Variants in BMX observed in about 807,000 individuals in gnomAD.
BMX encodes BMX non-receptor tyrosine kinase.
In BMX, 31 loss-of-function variants were observed where a neutral mutation model predicts 59.2. The observed-to-expected ratio is 0.52, with a 90% CI of 0.39 to 0.71. The LOEUF (loss-of-function observed/expected upper bound fraction) is 0.71, where lower values mean the gene tolerates loss of function less well. BMX is among the 30% of genes least tolerant of loss of function. BMX has a pLI of 0.00. For synonymous variants in BMX, 185 were observed against 181.0 expected (o/e 1.02, Z -0.18); for missense variants, 474 against 491.7 (o/e 0.96, Z 0.34).
intron 9 of BMX, among the ~76,000 whole-genome samples, chrX:15,527,693 T>C (rs1222443799): frequency 1.8e-5 from 2 of 111,832 alleles, no homozygotes; most frequent in East Asian, 5.6e-4. Context: ...ACAAAGTACA[T>C]GCTACTGTTT....
intron 11 of BMX, 118 bp downstream of exon 11, chrX:15,531,525 G>C: frequency 1.6e-6 from 1 of 635,434 alleles, no homozygotes; most frequent in East Asian, 3.4e-5. Context: ...TTAAATCAAA[G>C]TATTTCTATT....
chrX:15,521,390 C>G (rs1341028560), intron 6 of BMX, among the ~76,000 whole-genome samples: 3 of 112,135 alleles, frequency 2.7e-5, no homozygotes, highest in African/African-American at 9.7e-5. Context: ...TTACCGTCAT[C>G]ATTGTATAGA....
chrX:15,537,404 C>T (rs966418573), intron 14 of BMX, 99 bp downstream of exon 14: 16 of 877,431 alleles, frequency 1.8e-5, no homozygotes, highest in East Asian at 9.7e-5. Context: ...GAGCAAAAGT[C>T]CACATACTGT....
chrX:15,529,509 T>A (rs1195467922), intron 9 of BMX, among the ~76,000 whole-genome samples: 1 of 112,647 alleles, frequency 8.9e-6, no homozygotes, highest in Non-Finnish European at 1.9e-5. Context: ...GAAACAGCTC[T>A]TGGCCTGTTG....
At chrX:15,501,264 C>T (rs1354831718) in intron 1 of BMX, among the ~76,000 whole-genome samples, 2 of 112,126 alleles carry the variant, frequency 1.8e-5, no homozygotes, top group African/African-American at 6.5e-5. Flanking sequence ...CTAATTTTCT[C>T]CATCCGCTTC....
At chrX:15,510,846 T>G (rs113553616) in intron 3 of BMX, among the ~76,000 whole-genome samples, 279 of 112,522 alleles carry the variant, frequency 2.5e-3, no homozygotes, top group Middle Eastern at 4.6e-3. Flanking sequence ...TATTGTAATC[T>G]TCAAACGTTT....
At chrX:15,525,231 T>G (rs1451804939) in intron 7 of BMX, 57 bp from the exon 8 acceptor site, 1 of 1,073,965 alleles carries the variant, frequency 9.3e-7, no homozygotes, top group Non-Finnish European at 1.3e-6. Context: ...CTTTTGTCAT[T>G]TAAAATTTAT....
At chrX:15,544,294 G>T (rs891470753) in intron 16 of BMX, among the ~76,000 whole-genome samples, 3 of 110,071 alleles carry the variant, frequency 2.7e-5, no homozygotes, top group Non-Finnish European at 5.7e-5. Flanking sequence ...ATTCCTCTGG[G>T]AGCCCTAAAT....
intron 15 of BMX, 56 bp downstream of exon 15, chrX:15,542,254 C>A (rs938730921): frequency 1.8e-6 from 2 of 1,106,386 alleles, no homozygotes; most frequent in Non-Finnish European, 2.5e-6. Flanking sequence ...GCTCCCACTT[C>A]TGGAGATGGG....
chrX:15,539,538 G>A (rs182606573), intron 14 of BMX, among the ~76,000 whole-genome samples: 1 of 111,521 alleles, frequency 9.0e-6, no homozygotes, highest in Non-Finnish European at 1.9e-5. Context: ...CTCCAAAACT[G>A]CTAAAAGATG....
At chrX:15,507,687 T>G (rs1021239384) in intron 1 of BMX, among the ~76,000 whole-genome samples, 2 of 112,310 alleles carry the variant, frequency 1.8e-5, no homozygotes, top group African/African-American at 6.5e-5. Flanking sequence ...GAAGAGTCTT[T>G]TTACTTTGTA....
intron 17 of BMX, among the ~76,000 whole-genome samples, chrX:15,547,984 T>C (rs1193640592): frequency 9.0e-6 from 1 of 111,718 alleles, no homozygotes; most frequent in African/African-American, 3.3e-5. Flanking sequence ...TAGTTATTTA[T>C]TTCTCTATGT....
At chrX:15,534,370 C>A (rs1467017975) in intron 12 of BMX, 31 bp downstream of exon 12, 5 of 1,124,592 alleles carry the variant, frequency 4.4e-6, no homozygotes, top group Non-Finnish European at 5.9e-6. Context: ...TTTTATGGGC[C>A]CTTGTTGTAA....
Position 15,546,929 on chromosome X carries a change from T to A in BMX, c.1795+8T>A, listed in dbSNP as rs1475198727. The A allele has an allele frequency of 1.7e-6, 2 of 1,173,428 alleles. No homozygotes were observed. Among genetic ancestry groups the A allele is most frequent in the African/African-American group, 1.8e-5 (1 of 57,040 alleles). The stretch of plus-strand genomic sequence containing the variant: ...CAGACGTATGGGCATTTGGTAAGGA[T>A]GTGGCCACATACGACCTGGCCCTGT... On this transcript the variant is annotated splice_region_variant and intron_variant, in intron 17 of 18. Coordinates refer to ENST00000348343, the MANE Select transcript of BMX (RefSeq NM_203281.3).
intron 4 of BMX, among the ~76,000 whole-genome samples, chrX:15,513,182 T>C (rs1020287920): frequency 1.8e-5 from 2 of 112,144 alleles, no homozygotes; most frequent in East Asian, 2.8e-4. Context: ...AATGCAAAGA[T>C]AGGCAGTCAG....
At chrX:15,501,795 C>T (rs894270329) in intron 1 of BMX, among the ~76,000 whole-genome samples, 1 of 111,254 alleles carries the variant, frequency 9.0e-6, no homozygotes, top group Non-Finnish European at 1.9e-5. Context: ...TATGGTTCAA[C>T]CTCATTTTAT....
At chrX:15,521,150 C>T (rs928614810) in intron 6 of BMX, among the ~76,000 whole-genome samples, 4 of 111,602 alleles carry the variant, frequency 3.6e-5, no homozygotes, top group Non-Finnish European at 7.5e-5. Flanking sequence ...GTATAATCCA[C>T]CCTCAGATAA....
intron 4 of BMX, among the ~76,000 whole-genome samples, chrX:15,514,905 A>C (rs1446706001): frequency 2.7e-5 from 3 of 111,545 alleles, no homozygotes; most frequent in Non-Finnish European, 3.8e-5. Flanking sequence ...GTGATTATAA[A>C]GGCCATTATT....
chrX:15,516,407 T>C (rs775003239), intron 5 of BMX, among the ~76,000 whole-genome samples, 176 bp downstream of exon 5: 5 of 112,453 alleles, frequency 4.4e-5, no homozygotes, highest in African/African-American at 6.5e-5. Flanking sequence ...CTAGGGTCAA[T>C]TGAGTCATGG....
Sources: gnomAD v4.1 joint callset for allele counts (sites outside exome capture counted in the v4.1 genomes callset) on GRCh38, gnomAD v4.1.1 for gene constraint, MANE v1.5 for transcripts, NCBI Gene and HGNC (gene_info 2026-07-23, HGNC 2026-07-21) for gene names.